Variants in ZNF536 observed in about 807,000 individuals in gnomAD.
The protein encoded by ZNF536 is zinc finger protein 536.
In ZNF536, 13 loss-of-function variants were observed where a neutral mutation model predicts 84.5. That is an observed-to-expected ratio of 0.15 (90% CI 0.10 to 0.24). ZNF536 has a LOEUF of 0.24. Among genes scored for constraint, ZNF536 ranks in the 10% least tolerant of loss-of-function variants. ZNF536 has a pLI of 1.00. For synonymous variants in ZNF536, 811 were observed against 742.5 expected (o/e 1.09, Z -1.50); for missense variants, 1,536 against 1,747.5 (o/e 0.88, Z 2.16).
chr19:30,462,193 C>A (rs2053169033), intron 2 of ZNF536, among the ~76,000 whole-genome samples: 1 of 152,148 alleles, frequency 6.6e-6, no homozygotes, highest in Admixed American at 6.5e-5. Context: ...GCCCTGGCCC[C>A]ACCTAAGATG....
intron 1 of ZNF536, among the ~76,000 whole-genome samples, chr19:30,241,581 G>C (rs2023945730): frequency 6.6e-6 from 1 of 152,184 alleles, no homozygotes; most frequent in African/African-American, 2.4e-5. Flanking sequence ...TGCTAGGTCT[G>C]TCTAAGGAGC....
intron 3 of ZNF536, among the ~76,000 whole-genome samples, chr19:30,544,525 C>T (rs1211213497): frequency 6.6e-6 from 1 of 152,098 alleles, no homozygotes; most frequent in African/African-American, 2.4e-5. Flanking sequence ...CCTGTGCACT[C>T]GCATGCTGTG....
chr19:30,555,825 G>A (rs1201254454), intron 4 of ZNF536: 1 of 152,266 alleles, frequency 6.6e-6, no homozygotes, highest in Non-Finnish European at 1.5e-5. Context: ...ATGAAGAAGG[G>A]AGGTGAAGGT....
intron 1 of ZNF536, among the ~76,000 whole-genome samples, chr19:30,419,600 C>T (rs1321219852): frequency 6.6e-6 from 1 of 152,132 alleles, no homozygotes; most frequent in East Asian, 1.9e-4. Context: ...TGTTGCTTCG[C>T]TATTTTAAAT....
At chr19:30,378,939 A>G (rs2048916287) in intron 1 of ZNF536, among the ~76,000 whole-genome samples, 1 of 152,136 alleles carries the variant, frequency 6.6e-6, no homozygotes, top group African/African-American at 2.4e-5. Context: ...TCTCTCCCAA[A>G]GGATGTTGAC....
chr19:30,380,433 C>T (rs1177533880), intron 1 of ZNF536, among the ~76,000 whole-genome samples: 1 of 152,148 alleles, frequency 6.6e-6, no homozygotes, highest in Admixed American at 6.5e-5. Flanking sequence ...CCACGAGCAC[C>T]CCCGGAGAAC....
At chr19:30,346,243 G>GAA (rs1215910299) in intron 2 of ZNF536, among the ~76,000 whole-genome samples, 8 of 152,148 alleles carry the variant, frequency 5.3e-5, no homozygotes, top group African/African-American at 1.9e-4. Context: ...AGCTCATATG[G>GAA]GAGAAGATTT....
At chr19:30,227,810 T>C (rs1304768161), upstream of ZNF536, among the ~76,000 whole-genome samples, 2 of 151,480 alleles carry the variant, frequency 1.3e-5, no homozygotes, top group African/African-American at 4.9e-5. Flanking sequence ...GCTGAGCGCA[T>C]CCGGCGGCCG....
intron 2 of ZNF536, among the ~76,000 whole-genome samples, chr19:30,475,005 C>T (rs879799484): frequency 2.9e-4 from 44 of 151,728 alleles, no homozygotes; most frequent in Non-Finnish European, 5.7e-4. Flanking sequence ...AACAGCACTA[C>T]CCTATAATTC....
At chr19:30,498,810 T>C (rs979323780) in intron 2 of ZNF536, among the ~76,000 whole-genome samples, 1 of 152,022 alleles carries the variant, frequency 6.6e-6, no homozygotes, top group Non-Finnish European at 1.5e-5. Context: ...TCAGGGCTTT[T>C]GGGTCAGTCA....
chr19:30,672,643 GTTTAAAAAACAAACACATCAAA>G (rs2050600858), intron 1 of ZNF536, among the ~76,000 whole-genome samples: 1 of 152,182 alleles, frequency 6.6e-6, no homozygotes, highest in African/African-American at 2.4e-5. Context: ...GAGAAGCCTG[GTTTAAAAAACAAACACATCAAA>G]TTCTCTGCTA....
intron 1 of ZNF536, among the ~76,000 whole-genome samples, chr19:30,417,563 TA>T (rs1386896660): frequency 6.6e-6 from 1 of 152,024 alleles, no homozygotes; most frequent in Non-Finnish European, 1.5e-5. Flanking sequence ...AACATACCAT[TA>T]GAAAAAAAAG....
intron 2 of ZNF536, among the ~76,000 whole-genome samples, chr19:30,480,587 T>A (rs910628136): frequency 6.6e-6 from 1 of 151,960 alleles, no homozygotes; most frequent in African/African-American, 2.4e-5. Flanking sequence ...TTAGGACAAA[T>A]ACCTAATGCA....
chr19:30,281,963 G>C (rs1383868562), intron 1 of ZNF536, among the ~76,000 whole-genome samples: 2 of 152,170 alleles, frequency 1.3e-5, no homozygotes, highest in African/African-American at 4.8e-5. Context: ...GCCACTGACT[G>C]TGTTATGTCT....
At chr19:30,488,984 T>C (rs546580985) in intron 2 of ZNF536, among the ~76,000 whole-genome samples, 1 of 152,340 alleles carries the variant, frequency 6.6e-6, no homozygotes, top group East Asian at 1.9e-4. Flanking sequence ...CTGAGGTTTC[T>C]TGACAAATAG....
intron 1 of ZNF536, among the ~76,000 whole-genome samples, chr19:30,650,036 G>A (rs2049639514): frequency 6.6e-6 from 1 of 152,182 alleles, no homozygotes; most frequent in African/African-American, 2.4e-5. Context: ...ACGTAATGGA[G>A]TCATTTAACT....
chr19:30,459,130 T>C (rs999242103), intron 2 of ZNF536, among the ~76,000 whole-genome samples: 6 of 152,152 alleles, frequency 3.9e-5, no homozygotes, highest in Non-Finnish European at 8.8e-5. Context: ...TCAATAGACG[T>C]CATCTGTTAT....
At chr19:30,417,882 C>T (rs1374043321) in intron 1 of ZNF536, among the ~76,000 whole-genome samples, 1 of 152,108 alleles carries the variant, frequency 6.6e-6, no homozygotes, top group Non-Finnish European at 1.5e-5. Context: ...ACCTCAGCCT[C>T]CCAAATAGGT....
intron 1 of ZNF536, among the ~76,000 whole-genome samples, chr19:30,245,321 T>C (rs543926639): frequency 2.7e-4 from 41 of 152,294 alleles, no homozygotes; most frequent in African/African-American, 9.9e-4. Context: ...ATTGACTTTA[T>C]TGATTGTTTG....
Sources: allele counts gnomAD v4.1 joint callset (sites outside exome capture counted in the v4.1 genomes callset), GRCh38; gene constraint gnomAD v4.1.1; transcripts MANE v1.5; gene names NCBI Gene and HGNC (gene_info 2026-07-23, HGNC 2026-07-21).